Variants in PPFIA2 observed in about 807,000 individuals in gnomAD.
The protein encoded by PPFIA2 is liprin-alpha-2.
In PPFIA2, 46 loss-of-function variants were observed where a neutral mutation model predicts 175.5. The observed-to-expected ratio is 0.26, with a 90% CI of 0.21 to 0.34. PPFIA2 has a LOEUF of 0.34. PPFIA2 is among the 10% of genes least tolerant of loss of function. The probability of loss-of-function intolerance (pLI) is 1.00; values close to 1 mark genes in which losing one functional copy is unlikely to be tolerated. For missense variants in PPFIA2, 1,179 were observed against 1,506.1 expected (o/e 0.78, Z 3.60); for synonymous variants, 568 against 511.4 (o/e 1.11, Z -1.49).
chr12:81,734,921 A>T (rs2081376563), intron 3 of PPFIA2, among the ~76,000 whole-genome samples: 1 of 151,724 alleles, frequency 6.6e-6, no homozygotes. Flanking sequence ...GAATCATGTA[A>T]TATGTAATCT....
At chr12:81,740,825 G>A (rs926137158) in intron 3 of PPFIA2, among the ~76,000 whole-genome samples, 5 of 151,502 alleles carry the variant, frequency 3.3e-5, no homozygotes, top group African/African-American at 1.2e-4. Context: ...AACAATAAGA[G>A]CAGGCCAAAA....
intron 22 of PPFIA2, among the ~76,000 whole-genome samples, chr12:81,324,045 T>A (rs1293436189): frequency 6.6e-6 from 1 of 152,068 alleles, no homozygotes; most frequent in Non-Finnish European, 1.5e-5. Flanking sequence ...TTCTTCTTAA[T>A]ATTAAAAGCA....
chr12:81,513,204 A>C (rs545977677), intron 4 of PPFIA2, among the ~76,000 whole-genome samples: 2 of 152,224 alleles, frequency 1.3e-5, no homozygotes, highest in South Asian at 2.1e-4. Flanking sequence ...ATGAGATACC[A>C]ACTTATTCTT....
chr12:81,743,867 A>C (rs956865266), intron 3 of PPFIA2, among the ~76,000 whole-genome samples: 4 of 152,346 alleles, frequency 2.6e-5, no homozygotes, highest in African/African-American at 9.6e-5. Context: ...TATAGATAGC[A>C]ACTCTATGCC....
At chr12:81,734,027 T>G (rs2153644571) in intron 3 of PPFIA2, among the ~76,000 whole-genome samples, 1 of 151,952 alleles carries the variant, frequency 6.6e-6, no homozygotes, top group Non-Finnish European at 1.5e-5. Context: ...TGAAAATGTG[T>G]AAGACCAATG....
At chr12:81,397,927 T>G (rs1408844068) in intron 8 of PPFIA2, among the ~76,000 whole-genome samples, 1 of 151,896 alleles carries the variant, frequency 6.6e-6, no homozygotes, top group East Asian at 1.9e-4. Flanking sequence ...GCACTCCTTA[T>G]GAGAATCTAA....
At chr12:81,647,278 T>C (rs1362219634) in intron 4 of PPFIA2, among the ~76,000 whole-genome samples, 1 of 152,008 alleles carries the variant, frequency 6.6e-6, no homozygotes, top group African/African-American at 2.4e-5. Context: ...CTGAAGCATA[T>C]TGAGAAACAA....
At chr12:81,274,168 A>G (rs1297766483) in intron 28 of PPFIA2, among the ~76,000 whole-genome samples, 1 of 152,204 alleles carries the variant, frequency 6.6e-6, no homozygotes, top group Non-Finnish European at 1.5e-5. Context: ...AAAGCTAGGC[A>G]AGTGCTTGTG....
intron 4 of PPFIA2, among the ~76,000 whole-genome samples, chr12:81,474,202 G>A (rs774876060): frequency 9.9e-5 from 15 of 151,998 alleles, no homozygotes; most frequent in Admixed American, 3.9e-4. Flanking sequence ...CGTCAAGCAG[G>A]CTGGAGAGCA....
intron 4 of PPFIA2, among the ~76,000 whole-genome samples, chr12:81,613,186 T>C (rs541612065): frequency 7.2e-5 from 11 of 152,186 alleles, no homozygotes; most frequent in Non-Finnish European, 1.3e-4. Flanking sequence ...ATTAAAGCTC[T>C]AGAGCGGAAT....
chr12:81,414,222 C>T lies in PPFIA2; in HGVS notation c.646-8319G>A, dbSNP rs181173163. Among the ~76,000 whole-genome samples the T allele has an allele frequency of 2.3e-3, 353 of 151,758 alleles. 1 individual carries two copies. The highest frequency in any genetic ancestry group is 4.4e-3 in the Non-Finnish European group (297 of 67,712). ...CCTTTTGGTAATCAGTGAAATGATT[C>T]ATTGCATACACAATTTAAATATTTA... On this transcript the variant is annotated intron_variant, in intron 7 of 32. Coordinates refer to ENST00000549396, the MANE Select transcript of PPFIA2 (RefSeq NM_003625.5).
chr12:81,554,621 T>G (rs2068520470), intron 4 of PPFIA2, among the ~76,000 whole-genome samples: 1 of 152,022 alleles, frequency 6.6e-6, no homozygotes, highest in Non-Finnish European at 1.5e-5. Context: ...TGATCAGATA[T>G]TTGAAAAGAA....
At chr12:81,447,011 A>C (rs1399195934) in intron 5 of PPFIA2, among the ~76,000 whole-genome samples, 1 of 152,074 alleles carries the variant, frequency 6.6e-6, no homozygotes, top group African/African-American at 2.4e-5. Flanking sequence ...TAAGGATCAA[A>C]CTAATCGCCG....
intron 4 of PPFIA2, among the ~76,000 whole-genome samples, chr12:81,544,437 C>T (rs2066680710): frequency 6.6e-6 from 1 of 152,062 alleles, no homozygotes; most frequent in South Asian, 2.1e-4. Context: ...ATGACTATTG[C>T]CATTAGGATG....
chr12:81,681,762 G>T (rs2073680529), intron 3 of PPFIA2, among the ~76,000 whole-genome samples: 1 of 151,940 alleles, frequency 6.6e-6, no homozygotes, highest in Non-Finnish European at 1.5e-5. Context: ...CAGAGCTGTT[G>T]CTGGATTCTT....
At chr12:81,442,848 CATATATATATAT>C (rs35192542) in intron 6 of PPFIA2, among the ~76,000 whole-genome samples, 128 of 14,094 alleles carry the variant, frequency 9.1e-3, no homozygotes, top group African/African-American at 0.013. Context: ...TTTCTGACTT[CATATATATATAT>C]ATATATATAT....
intron 3 of PPFIA2, among the ~76,000 whole-genome samples, chr12:81,742,830 A>T (rs1247210610): frequency 1.3e-5 from 2 of 152,184 alleles, no homozygotes; most frequent in Non-Finnish European, 2.9e-5. Flanking sequence ...GAGGAAAACC[A>T]GGCAAGTGGG....
At chr12:81,713,090 G>T (rs947475454) in intron 3 of PPFIA2, among the ~76,000 whole-genome samples, 8 of 150,956 alleles carry the variant, frequency 5.3e-5, no homozygotes, top group African/African-American at 1.5e-4. Context: ...GTGATACATA[G>T]CCATGATTAA....
intron 8 of PPFIA2, among the ~76,000 whole-genome samples, chr12:81,386,274 TTTAA>T (rs1394070780): frequency 8.6e-6 from 1 of 116,000 alleles, no homozygotes; most frequent in Non-Finnish European, 1.7e-5. Flanking sequence ...CCTTACAACC[TTTAA>T]ATAAATAAAT....
Sources: allele counts gnomAD v4.1 joint callset (sites outside exome capture counted in the v4.1 genomes callset), GRCh38; gene constraint gnomAD v4.1.1; transcripts MANE v1.5; gene names NCBI Gene and HGNC (gene_info 2026-07-23, HGNC 2026-07-21).